The following CSMD1 variants were observed in gnomAD, a reference collection of about 807,000 sequenced individuals.
The protein encoded by CSMD1 is CUB and sushi domain-containing protein 1.
CSMD1 carries 213 observed loss-of-function variants against 417.5 expected under a neutral mutation model. That is an observed-to-expected ratio of 0.51 (90% CI 0.46 to 0.57). CSMD1 has a LOEUF of 0.57. Ranked by LOEUF, CSMD1 falls within the 20% of genes least tolerant of loss-of-function variation. CSMD1 has a pLI of 0.00. For synonymous variants in CSMD1, 2,862 were observed against 1,736.8 expected, an observed-to-expected ratio of 1.65 and a Z score of -16.11; for missense variants, 6,923 against 4,529.7, an observed-to-expected ratio of 1.53 and a Z score of -15.17.
chr8:3,439,289 A>ATG (rs1161579652), intron 12 of CSMD1, among the ~76,000 whole-genome samples: 1 of 43,038 alleles, frequency 2.3e-5, no homozygotes, highest in Non-Finnish European at 3.9e-5. Flanking sequence ...CAGTATATAT[A>ATG]TATATATATA....
chr8:3,142,363 C>T (rs2129031701), intron 41 of CSMD1, 102 bp downstream of exon 41: 1 of 1,019,188 alleles, frequency 9.8e-7, no homozygotes, highest in Non-Finnish European at 1.5e-6. Context: ...TTATTCCACT[C>T]GTACAAGCTT....
chr8:3,056,994 A>C (rs1318232743), intron 49 of CSMD1, among the ~76,000 whole-genome samples: 1 of 152,158 alleles, frequency 6.6e-6, no homozygotes, highest in African/African-American at 2.4e-5. Flanking sequence ...CCAAGAAATA[A>C]CAGTTAATTT....
intron 12 of CSMD1, among the ~76,000 whole-genome samples, chr8:3,414,802 T>C (rs1563365303): frequency 6.6e-6 from 1 of 152,220 alleles, no homozygotes; most frequent in Non-Finnish European, 1.5e-5. Flanking sequence ...ACACCTGCTG[T>C]AAATATTTAG....
intron 1 of CSMD1, among the ~76,000 whole-genome samples, chr8:4,760,620 A>G (rs1408764850): frequency 1.3e-5 from 2 of 152,236 alleles, no homozygotes; most frequent in Admixed American, 6.5e-5. Flanking sequence ...TATAAAATAC[A>G]GCACAATATT....
intron 37 of CSMD1, among the ~76,000 whole-genome samples, chr8:3,166,260 G>T (rs1024501431): frequency 2.0e-5 from 3 of 152,092 alleles, no homozygotes; most frequent in Admixed American, 6.6e-5. Flanking sequence ...GCTGGGCATG[G>T]TGACTCATGC....
chr8:3,702,215 T>A (rs1800910823), intron 7 of CSMD1: 1 of 152,336 alleles, frequency 6.6e-6, no homozygotes, highest in African/African-American at 2.4e-5. Flanking sequence ...CCTGCATGGC[T>A]ACAAAGTGTT....
intron 3 of CSMD1, among the ~76,000 whole-genome samples, chr8:4,259,320 C>G (rs1250274516): frequency 6.6e-6 from 1 of 152,116 alleles, no homozygotes; most frequent in Non-Finnish European, 1.5e-5. Flanking sequence ...GTTTTCCTCC[C>G]TCTTCAGGAA....
intron 5 of CSMD1, among the ~76,000 whole-genome samples, chr8:3,823,718 C>T (rs1284455902): frequency 6.6e-6 from 1 of 152,076 alleles, no homozygotes; most frequent in East Asian, 1.9e-4. Flanking sequence ...ACGCTTGAAT[C>T]AAATAACCTT....
chr8:3,905,337 C>A (rs1808043347), intron 5 of CSMD1, among the ~76,000 whole-genome samples: 1 of 152,230 alleles, frequency 6.6e-6, no homozygotes, highest in East Asian at 1.9e-4. Context: ...TTAAATCCAA[C>A]ATAAAAGTTG....
chr8:4,806,325 G>A (rs950978666), intron 1 of CSMD1, among the ~76,000 whole-genome samples: 1 of 152,140 alleles, frequency 6.6e-6, no homozygotes, highest in Non-Finnish European at 1.5e-5. Flanking sequence ...CACCCTAGAT[G>A]GGAGGCTGGC....
intron 2 of CSMD1, among the ~76,000 whole-genome samples, chr8:4,633,681 C>T (rs7817107): frequency 3.9e-5 from 6 of 151,990 alleles, no homozygotes; most frequent in South Asian, 2.1e-4. Flanking sequence ...CTCAGCCTCC[C>T]GAGTAGCTGG....
intron 10 of CSMD1, among the ~76,000 whole-genome samples, chr8:3,526,689 G>C (rs952399858): frequency 6.6e-6 from 1 of 152,132 alleles, no homozygotes; most frequent in Admixed American, 6.6e-5. Flanking sequence ...AAAAGATCTG[G>C]CTTCAAAGCC....
At chr8:3,191,706 C>G (rs1796435456) in intron 33 of CSMD1, among the ~76,000 whole-genome samples, 1 of 152,126 alleles carries the variant, frequency 6.6e-6, no homozygotes, top group South Asian at 2.1e-4. Flanking sequence ...TCCTGTTTAT[C>G]AAAAGGAATG....
intron 25 of CSMD1, among the ~76,000 whole-genome samples, chr8:3,298,214 C>A (rs145442806): frequency 2.6e-5 from 4 of 152,158 alleles, no homozygotes; most frequent in African/African-American, 9.7e-5. Context: ...CACCATTACC[C>A]AGCAATTCCT....
At chr8:4,928,442 G>A (rs1255985310) in intron 1 of CSMD1, among the ~76,000 whole-genome samples, 1 of 152,168 alleles carries the variant, frequency 6.6e-6, no homozygotes. Context: ...TACTAACATT[G>A]TTCCAAGTGC....
chr8:3,191,063 T>G (rs915205659), intron 33 of CSMD1, among the ~76,000 whole-genome samples: 3 of 152,150 alleles, frequency 2.0e-5, no homozygotes, highest in African/African-American at 7.2e-5. Context: ...ACTGTGTTTA[T>G]AGTTAAGAGG....
chr8:3,756,393 A>G (rs1563345679), intron 5 of CSMD1, among the ~76,000 whole-genome samples: 1 of 152,108 alleles, frequency 6.6e-6, no homozygotes, highest in South Asian at 2.1e-4. Context: ...TATATTAAAA[A>G]TCAATAATTA....
At chr8:3,114,202 C>T (rs980403084) in intron 42 of CSMD1, among the ~76,000 whole-genome samples, 4 of 152,142 alleles carry the variant, frequency 2.6e-5, no homozygotes, top group Non-Finnish European at 5.9e-5. Flanking sequence ...AGTGATTGCA[C>T]CACTGCACTC....
intron 47 of CSMD1, 33 bp from the exon 48 acceptor site, chr8:3,091,695 G>T: frequency 1.3e-6 from 2 of 1,592,512 alleles, no homozygotes; most frequent in Non-Finnish European, 8.5e-7. Flanking sequence ...AACATTCAGA[G>T]ATGAGTGAGC....
Sources: allele counts gnomAD v4.1 joint callset (sites outside exome capture counted in the v4.1 genomes callset), GRCh38; gene constraint gnomAD v4.1.1; transcripts MANE v1.5; gene names NCBI Gene and HGNC (gene_info 2026-07-23, HGNC 2026-07-21).